CDKL1: variants seen among roughly 807,000 people sequenced by gnomAD.
The protein encoded by CDKL1 is cyclin-dependent kinase-like 1.
CDKL1 carries 41 observed loss-of-function variants against 42.0 expected under a neutral mutation model. The observed-to-expected ratio is 0.98, with a 90% CI of 0.76 to 1.27. The LOEUF (loss-of-function observed/expected upper bound fraction) is 1.27, where lower values mean the gene tolerates loss of function less well. Ranked by LOEUF, CDKL1 falls within the 50% of genes most tolerant of loss-of-function variation. The pLI is 0.00. For missense variants in CDKL1, 394 were observed against 428.4 expected (o/e 0.92, Z 0.71); for synonymous variants, 153 against 158.6 (o/e 0.96, Z 0.26).
intron 2 of CDKL1, among the ~76,000 whole-genome samples, chr14:50,386,490 A>G (rs1399147886): frequency 1.3e-5 from 2 of 152,210 alleles, no homozygotes; most frequent in Non-Finnish European, 2.9e-5. Context: ...ACAGTTGATG[A>G]ACTAATCTAG....
rs532210517 is a variant in CDKL1 at position 50,379,476 on chromosome 14, C to T, written c.168+16225G>A. Among the ~76,000 whole-genome samples the T allele has an allele frequency of 1.1e-3, 168 of 152,252 alleles. 1 individual carries two copies. Among genetic ancestry groups the T allele is most frequent in the Non-Finnish European group, 1.4e-3 (95 of 68,020 alleles). On this transcript the variant is annotated intron_variant, in intron 2 of 9. Transcript: ENST00000395834. ...CCTCAGTAGGCTGGAGATGCTACCACGGAACTAGGCTTTCTGGTTCTGATG... is the reference window on the plus strand; with the variant it reads ...CCTCAGTAGGCTGGAGATGCTACCATGGAACTAGGCTTTCTGGTTCTGATG...
chr14:50,340,511 G>T lies in CDKL1; in HGVS notation c.655+521C>A, dbSNP rs569277199. ...CTGCCCTTCCCCTCCGCCTCCAAGG[G>T]TAGAGAGAAAGGAAAGGGCACTGGG... is the stretch of plus-strand genomic sequence containing the variant. On this transcript the variant is annotated intron_variant, in intron 6 of 9. Transcript: ENST00000395834. Among the ~76,000 whole-genome samples, 373 of 152,192 alleles carry T rather than the reference G, an allele frequency of 2.5e-3. 4 individuals are homozygous for T. Among genetic ancestry groups the T allele is most frequent in the African/African-American group, 8.5e-3 (352 of 41,514 alleles).
chr14:50,357,910 A>G (rs1017025822), intron 3 of CDKL1: 11 of 482,366 alleles, frequency 2.3e-5, no homozygotes, highest in African/African-American at 1.0e-4. Flanking sequence ...GCAAGGCACA[A>G]TGAAGAAGAA....
chr14:50,368,866 C>T (rs1022491983), intron 2 of CDKL1, among the ~76,000 whole-genome samples: 18 of 131,044 alleles, frequency 1.4e-4, no homozygotes, highest in Admixed American at 8.0e-5. Flanking sequence ...AGTTGCCAAC[C>T]TTTTTTTTTT....
intron 2 of CDKL1, among the ~76,000 whole-genome samples, chr14:50,364,245 G>A (rs921059853): frequency 3.9e-5 from 6 of 152,208 alleles, no homozygotes; most frequent in Admixed American, 1.3e-4. Context: ...CAAGGCAGGC[G>A]GATGCCTGAG....
In CDKL1 at chr14:50,389,319, C is replaced by T. The variant is rs118060087; in HGVS notation, c.168+6382G>A. On this transcript the variant is annotated intron_variant, in intron 2 of 9. Coordinates refer to ENST00000395834, the MANE Select transcript of CDKL1 (RefSeq NM_004196.7). ...ACCTAGGATACACTCAACAGTGCCACTCGCCCACACCCCATGCACCTTTTT... is the reference window on the plus strand; with the variant it reads ...ACCTAGGATACACTCAACAGTGCCATTCGCCCACACCCCATGCACCTTTTT... 8.1e-3 allele frequency among the ~76,000 whole-genome samples: 1,230 copies of T among 152,172 alleles called. 48 individuals carry two copies. The highest frequency in any genetic ancestry group is 0.054 in the Admixed American group (821 of 15,260).
chr14:50,355,204 G>C (rs930966340), intron 3 of CDKL1, among the ~76,000 whole-genome samples: 1 of 151,320 alleles, frequency 6.6e-6, no homozygotes. Flanking sequence ...ATCTATTGTT[G>C]GATATTTCAG....
intron 2 of CDKL1, among the ~76,000 whole-genome samples, chr14:50,366,262 A>G (rs1237307207): frequency 6.6e-6 from 1 of 152,194 alleles, no homozygotes; most frequent in African/African-American, 2.4e-5. Context: ...GGCCCTGAGG[A>G]AGTGACCTTG....
intron 2 of CDKL1, among the ~76,000 whole-genome samples, chr14:50,377,067 AAGG>A (rs1035480966): frequency 4.6e-5 from 7 of 152,328 alleles, no homozygotes; most frequent in African/African-American, 1.2e-4. Context: ...CTAGAACAGC[AAGG>A]AGGTCAGTGT....
At chr14:50,332,864 C>T in intron 8 of CDKL1, 1 of 499,222 alleles carries the variant, frequency 2.0e-6, no homozygotes, top group East Asian at 3.3e-5. Context: ...AAAGTCTCCA[C>T]CACTGTAGGT....
chr14:50,358,222 T>C (rs1165885981), intron 3 of CDKL1: 2 of 1,113,502 alleles, frequency 1.8e-6, no homozygotes, highest in Non-Finnish European at 2.3e-6. Flanking sequence ...CACAACACAA[T>C]TGTTTTTCAC....
At chr14:50,340,047 T>G (rs1372587407) in intron 6 of CDKL1, among the ~76,000 whole-genome samples, 4 of 152,166 alleles carry the variant, frequency 2.6e-5, no homozygotes, top group Admixed American at 6.5e-5. Context: ...GTGAGCAGCA[T>G]CATGAGCACA....
At chr14:50,367,944 A>C (rs1229069632) in intron 2 of CDKL1, among the ~76,000 whole-genome samples, 2 of 152,048 alleles carry the variant, frequency 1.3e-5, no homozygotes, top group African/African-American at 4.8e-5. Context: ...GTGTTTTTTA[A>C]AATTTTCATT....
intron 2 of CDKL1, among the ~76,000 whole-genome samples, chr14:50,365,678 G>A (rs1487020688): frequency 6.6e-6 from 1 of 152,090 alleles, no homozygotes; most frequent in Non-Finnish European, 1.5e-5. Context: ...TGGATTGAAG[G>A]ATGCAAAGTA....
At chr14:50,395,564 G>A (rs1026219674) in intron 2 of CDKL1, 137 bp downstream of exon 2, 2 of 625,730 alleles carry the variant, frequency 3.2e-6, no homozygotes, top group Admixed American at 5.9e-5. Flanking sequence ...CTACTCAGGA[G>A]GCTGAGGCAG....
Position 50,338,938 on chromosome 14 carries a change from G to A in CDKL1, c.738+9C>T. On this transcript the variant is annotated intron_variant, in intron 7 of 9. Transcript: ENST00000395834. ...GCCTACAGAGCTCTCTCCAAAATGG[G>A]TAACTCACCATATCTTCAGGGTCTG... is the stretch of plus-strand genomic sequence containing the variant. 1 of 1,581,568 alleles carries A rather than the reference G, an allele frequency of 6.3e-7. No individual in the cohort carries two copies. The highest frequency in any genetic ancestry group is 8.7e-7 in the Non-Finnish European group (1 of 1,150,442).
intron 2 of CDKL1, chr14:50,363,218 C>T (rs1186173001): frequency 4.8e-6 from 1 of 206,246 alleles, no homozygotes; most frequent in African/African-American, 2.3e-5. Context: ...GTGTAACACT[C>T]ACCGCGAGAG....
intron 7 of CDKL1, chr14:50,335,518 CGATTTTGCGCCAGTCACGTGCTG>C (rs1566573563): frequency 6.5e-7 from 1 of 1,536,020 alleles, no homozygotes; most frequent in East Asian, 2.4e-5. Context: ...CCGTATAAGG[CGATTTTGCGCCAGTCACGTGCTG>C]GAGACAATCA....
At position 50,361,186 on chromosome 14, in the gene CDKL1, G is replaced by T. The variant is rs547889526; in HGVS notation, c.169-2037C>A. ...GATAAAAGGTAAAAGGAGGAAAATT[G>T]AAGTTCTTGAACTGCATGCTACAGC... On this transcript the variant is annotated intron_variant, in intron 2 of 9. Transcript: ENST00000395834. Among the ~76,000 whole-genome samples the T allele has an allele frequency of 6.6e-5, 10 of 152,292 alleles. No individual in the cohort carries two copies. The East Asian group carries it at 1.9e-3, about 29-fold the overall frequency.
Sources: gnomAD v4.1 joint callset for allele counts (sites outside exome capture counted in the v4.1 genomes callset) on GRCh38, gnomAD v4.1.1 for gene constraint, MANE v1.5 for transcripts, NCBI Gene and HGNC (gene_info 2026-07-23, HGNC 2026-07-21) for gene names.